KANSL1: variants seen among roughly 807,000 people sequenced by gnomAD.
The protein encoded by KANSL1 is KAT8 regulatory NSL complex subunit 1.
KANSL1 carries 22 observed loss-of-function variants against 103.6 expected under a neutral mutation model. The observed-to-expected ratio is 0.21, with a 90% CI of 0.15 to 0.30. The LOEUF (loss-of-function observed/expected upper bound fraction) is 0.30. Among genes scored for constraint, KANSL1 ranks in the 10% least tolerant of loss-of-function variants. The probability of loss-of-function intolerance (pLI) is 1.00; values close to 1 mark genes in which losing one functional copy is unlikely to be tolerated. For missense variants in KANSL1, 1,337 were observed against 1,399.8 expected (o/e 0.96, Z 0.72); for synonymous variants, 600 against 527.6 (o/e 1.14, Z -1.88).
chr17:46,161,863 G>A (rs2045761274), intron 2 of KANSL1, among the ~76,000 whole-genome samples: 2 of 152,088 alleles, frequency 1.3e-5, no homozygotes, highest in African/African-American at 2.4e-5. Context: ...TAGGCTGCTA[G>A]AGCAAACCAC....
At position 46,030,544 on chromosome 17, in the gene KANSL1, G is replaced by A. The variant is rs1295491013; in HGVS notation, c.*932C>T. ...AAAGACCAAGAGTGGAACTAACACC[G>A]ACAGGGATCTGGATGTGAAGGAAAC... On this transcript the variant is annotated 3_prime_UTR_variant, in exon 15 of 15. Transcript: ENST00000432791. 8 of 150,472 alleles carry A rather than the reference G, an allele frequency of 5.3e-5. No individual in the cohort carries two copies. Among genetic ancestry groups the A allele is most frequent in the African/African-American group, 2.0e-4 (8 of 40,860 alleles). The allele number at this position is 150,472 out of a possible 1,614,324, so 9.3% of individuals were successfully genotyped here.
intron 1 of KANSL1, among the ~76,000 whole-genome samples, chr17:46,219,856 C>A (rs1369422609): frequency 6.6e-6 from 1 of 152,218 alleles, no homozygotes; most frequent in Non-Finnish European, 1.5e-5. Flanking sequence ...GTAATCCCAG[C>A]ACTTTGGGAG....
intron 2 of KANSL1, among the ~76,000 whole-genome samples, chr17:46,107,153 A>G (rs1334099139): frequency 3.3e-5 from 5 of 152,344 alleles, no homozygotes. Context: ...CCCTGCCTCC[A>G]TATAAGGGAA....
intron 3 of KANSL1, among the ~76,000 whole-genome samples, chr17:46,084,213 C>A (rs1237895089): frequency 1.3e-5 from 2 of 152,006 alleles, no homozygotes; most frequent in Non-Finnish European, 2.9e-5. Context: ...GAAACCCCAT[C>A]TTTACTAAAA....
chr17:46,181,490 C>A (rs573146418), intron 1 of KANSL1, among the ~76,000 whole-genome samples: 1 of 152,110 alleles, frequency 6.6e-6, no homozygotes, highest in African/African-American at 2.4e-5. Context: ...AGTGCGATGG[C>A]GCGATCTCCG....
chr17:46,080,102 GATTT>G (rs1298320188), intron 4 of KANSL1, among the ~76,000 whole-genome samples: 1 of 151,954 alleles, frequency 6.6e-6, no homozygotes, highest in Admixed American at 6.6e-5. Context: ...TAAAGACGCT[GATTT>G]TTTTGTTAAT....
At chr17:46,132,835 C>G (rs898522478) in intron 2 of KANSL1, among the ~76,000 whole-genome samples, 1 of 152,042 alleles carries the variant, frequency 6.6e-6, no homozygotes, top group Non-Finnish European at 1.5e-5. Flanking sequence ...CCTAGCTGCT[C>G]GGGAGGCTGA....
At chr17:46,059,484 T>C (rs898598496) in intron 6 of KANSL1, among the ~76,000 whole-genome samples, 2 of 151,776 alleles carry the variant, frequency 1.3e-5, no homozygotes, top group African/African-American at 4.8e-5. Flanking sequence ...CTGGGCATGG[T>C]AGCACGCGCC....
chr17:46,117,832 A>T (rs2147160439), intron 2 of KANSL1, among the ~76,000 whole-genome samples: 1 of 152,378 alleles, frequency 6.6e-6, no homozygotes, highest in Admixed American at 6.5e-5. Context: ...AGATTTACAG[A>T]TTTCTTTATA....
chr17:46,138,046 C>G (rs975648197), intron 2 of KANSL1, among the ~76,000 whole-genome samples: 1 of 147,136 alleles, frequency 6.8e-6, no homozygotes, highest in African/African-American at 2.4e-5. Context: ...ATCTGCCCTA[C>G]ACCATCAAGT....
At chr17:46,217,494 C>A (rs2048377888) in intron 1 of KANSL1, among the ~76,000 whole-genome samples, 2 of 151,580 alleles carry the variant, frequency 1.3e-5, no homozygotes, top group Admixed American at 1.3e-4. Context: ...GAGATAGGAT[C>A]TTCAAAGAGG....
chr17:46,198,359 A>C (rs2047682515), upstream of KANSL1, among the ~76,000 whole-genome samples: 1 of 150,848 alleles, frequency 6.6e-6, no homozygotes, highest in African/African-American at 2.4e-5. Context: ...AGCAAAAATC[A>C]GCACCTCTTT....
intron 1 of KANSL1, among the ~76,000 whole-genome samples, chr17:46,203,018 A>C (rs2047853623): frequency 6.6e-6 from 1 of 152,216 alleles, no homozygotes; most frequent in Non-Finnish European, 1.5e-5. Flanking sequence ...GTTTGCTAGA[A>C]CTCAGGAGTT....
intron 1 of KANSL1, among the ~76,000 whole-genome samples, chr17:46,213,036 T>G (rs2148030785): frequency 6.6e-6 from 1 of 152,330 alleles, no homozygotes; most frequent in South Asian, 2.1e-4. Context: ...AAACTTTCTG[T>G]GGAAAACCAG....
intron 6 of KANSL1, among the ~76,000 whole-genome samples, chr17:46,060,804 T>C (rs1024263403): frequency 5.9e-5 from 9 of 152,162 alleles, no homozygotes; most frequent in African/African-American, 2.2e-4. Context: ...AACCTGGTCA[T>C]AGCCATGAGA....
intron 5 of KANSL1, among the ~76,000 whole-genome samples, 173 bp from the exon 6 acceptor site, chr17:46,066,905 A>G (rs969359956): frequency 6.6e-6 from 1 of 152,236 alleles, no homozygotes; most frequent in Non-Finnish European, 1.5e-5. Context: ...GATGTCTGTT[A>G]ATCTACCTGT....
At chr17:46,113,278 A>G (rs984209996) in intron 2 of KANSL1, among the ~76,000 whole-genome samples, 10 of 152,200 alleles carry the variant, frequency 6.6e-5, no homozygotes, top group Admixed American at 3.9e-4. Flanking sequence ...TCCAAGGTCA[A>G]TCTTGCCTTT....
At chr17:46,033,533 G>A (rs1301960232) in intron 11 of KANSL1, 73 bp from the exon 12 acceptor site, 3 of 1,237,506 alleles carry the variant, frequency 2.4e-6, no homozygotes, top group Non-Finnish European at 3.6e-6. Flanking sequence ...AAGTGTCCAT[G>A]CAAGGATGAG....
In KANSL1 at chr17:46,036,144, C is replaced by T. The variant is rs1598450109; in HGVS notation, c.2542-1859G>A. ...ATGTTGTCCAGGCTGGACTCAATCT[C>T]CTGGGCTGAAGAGATCTTCCTGAGT... On this transcript the variant is annotated intron_variant, in intron 10 of 14. Coordinates refer to ENST00000432791, the MANE Select transcript of KANSL1 (RefSeq NM_015443.4). 2.0e-5 allele frequency among the ~76,000 whole-genome samples: 3 copies of T among 152,222 alleles called. No homozygotes were observed. In the South Asian group the frequency reaches 6.2e-4, roughly 32 times the overall value.
Sources: allele counts gnomAD v4.1 joint callset (sites outside exome capture counted in the v4.1 genomes callset), GRCh38; gene constraint gnomAD v4.1.1; transcripts MANE v1.5; gene names NCBI Gene and HGNC (gene_info 2026-07-23, HGNC 2026-07-21).